Variants in ETV4 observed in about 807,000 individuals in gnomAD.
ETV4 encodes the protein ETS variant transcription factor 4.
ETV4 carries 42 observed loss-of-function variants against 65.9 expected under a neutral mutation model. That is an observed-to-expected ratio of 0.64 (90% confidence interval 0.50 to 0.82). ETV4 has a LOEUF of 0.82. Ranked by LOEUF, ETV4 falls within the 40% of genes least tolerant of loss-of-function variation. The pLI is 0.00. For missense variants in ETV4, 583 were observed against 630.3 expected, an observed-to-expected ratio of 0.92 and a Z score of 0.80; for synonymous variants, 238 against 260.0, an observed-to-expected ratio of 0.92 and a Z score of 0.81.
At chr17:43,543,386 G>A (rs1971630484) in intron 4 of ETV4, among the ~76,000 whole-genome samples, 1 of 151,924 alleles carries the variant, frequency 6.6e-6, no homozygotes, top group African/African-American at 2.4e-5. Context: ...GACTTCCAAG[G>A]TAGAGAGATG....
Position 43,528,671 on chromosome 17 carries a change from T to G in ETV4, c.1303A>C (p.Asn435His), listed in dbSNP as rs756841203. 1 of 1,614,194 alleles carries G rather than the reference T, an allele frequency of 6.2e-7. No individual in the cohort carries two copies. Among genetic ancestry groups the G allele is most frequent in the Admixed American group, 1.7e-5 (1 of 60,032 alleles). ...TCAGCCTTGAGAGCTGGACGCTGAT[T>G]GTCCGGGAAGGCCAAAGAGAAGAGG... ...EALFSLAFPD[N>H]QRPALKAEFD... Residue 435 changes from asparagine to histidine, a missense_variant, in exon 13 of 13, where the codon AAT (asparagine) becomes CAT (histidine). By Grantham distance (68) the Asn-to-His change is moderately conservative. Coordinates refer to ENST00000319349, the MANE Select transcript of ETV4 (RefSeq NM_001079675.5).
chr17:43,546,012 G>A (rs941183500), intron 1 of ETV4, 173 bp downstream of exon 1: 3 of 246,008 alleles, frequency 1.2e-5, no homozygotes, highest in East Asian at 2.2e-4. Flanking sequence ...CAGGCGAAGC[G>A]CACACCATCG....
In ETV4 at chr17:43,544,875, AG is replaced by A. The variant is rs1298291574; in HGVS notation, c.202+99del. The A allele has an allele frequency of 8.9e-6, 10 of 1,121,606 alleles. No homozygotes were observed. The African/African-American group carries it at 1.5e-4, about 17-fold the overall frequency. The allele number at this position is 1,121,606 out of a possible 1,614,324, so 69.5% of individuals were successfully genotyped here. Reference sequence around the variant, plus strand: ...CTTGGAGAACTCCTTGAGGCAGGGAAGGGAGAGGAGAAGTGTAGGGCTTAGG... The same window carrying A: ...CTTGGAGAACTCCTTGAGGCAGGGAAGGAGAGGAGAAGTGTAGGGCTTAGG... On this transcript the variant is annotated intron_variant, in intron 4 of 12. Coordinates refer to ENST00000319349, the MANE Select transcript of ETV4 (RefSeq NM_001079675.5).
chr17:43,540,781 T>C (rs1160599390), intron 4 of ETV4, among the ~76,000 whole-genome samples: 2 of 152,118 alleles, frequency 1.3e-5, no homozygotes, highest in East Asian at 3.9e-4. Context: ...AGAGGCAACA[T>C]CCCCCAAGGT....
At chr17:43,545,933 A>ACG (rs1491323439) in intron 1 of ETV4, 56 of 266,692 alleles carry the variant, frequency 2.1e-4, no homozygotes, top group Admixed American at 6.8e-4. Context: ...TTACATAAGA[A>ACG]CGTGTGTGTG....
chr17:43,545,194 C>CGTG, intron 3 of ETV4, 80 bp downstream of exon 3: 1 of 635,510 alleles, frequency 1.6e-6, no homozygotes, highest in African/African-American at 2.2e-5. Flanking sequence ...CAGAATCGGC[C>CGTG]GTGTGTGTGT....
intron 8 of ETV4, among the ~76,000 whole-genome samples, chr17:43,531,634 C>A (rs1567708270): frequency 6.6e-6 from 1 of 152,180 alleles, no homozygotes; most frequent in Non-Finnish European, 1.5e-5. Flanking sequence ...AACCCAGTGG[C>A]ACTCCAGCCT....
chr17:43,531,998 C>T (rs909775568), intron 8 of ETV4, among the ~76,000 whole-genome samples: 1 of 152,194 alleles, frequency 6.6e-6, no homozygotes, highest in Non-Finnish European at 1.5e-5. Flanking sequence ...TACCTGAGGG[C>T]AGGATCTACA....
At position 43,545,436 on chromosome 17, in the gene ETV4, C is replaced by T. The variant is rs1164835563; in HGVS notation, c.61-69G>A. 9 of 1,470,146 alleles carry T rather than the reference C, an allele frequency of 6.1e-6. No individual in the cohort carries two copies. The Admixed American group carries it at 8.2e-5, about 13-fold the overall frequency. 91.1% of individuals were successfully genotyped at this position (1,470,146 alleles called of 1,614,324 possible). A position where few individuals can be genotyped will look rare whatever the true frequency, so the allele number is the denominator to read the frequency against. On this transcript the variant is annotated intron_variant, in intron 2 of 12. Transcript: ENST00000319349. ...TTAGTCTGGGGGACGAGGTTGGGGT[C>T]CTCGGGTGACTCAGGGGCGGGGCAG...
intron 2 of ETV4, 65 bp from the exon 3 acceptor site, chr17:43,545,432 G>A (rs1478747828): frequency 2.7e-6 from 4 of 1,466,588 alleles, no homozygotes; most frequent in Non-Finnish European, 3.7e-6. Flanking sequence ...GACGAGGTTG[G>A]GGTCCTCGGG....
At chr17:43,537,851 G>A (rs1427343339) in intron 4 of ETV4, among the ~76,000 whole-genome samples, 21 of 151,970 alleles carry the variant, frequency 1.4e-4, no homozygotes, top group Non-Finnish European at 2.4e-4. Flanking sequence ...AAATTAGGCC[G>A]GGCGCGGTGG....
chr17:43,537,999 G>A (rs1458799703), intron 4 of ETV4, among the ~76,000 whole-genome samples: 2 of 152,012 alleles, frequency 1.3e-5, no homozygotes, highest in Admixed American at 6.5e-5. Context: ...GTGTGGTGGC[G>A]GGTGCCTGTA....
chr17:43,534,797 C>T (rs773488115), intron 5 of ETV4, among the ~76,000 whole-genome samples: 7 of 152,070 alleles, frequency 4.6e-5, no homozygotes, highest in African/African-American at 7.2e-5. Flanking sequence ...AAAAATTAGC[C>T]GGGCGTGGTG....
At position 43,545,309 on chromosome 17, in the gene ETV4, A is replaced by G; in HGVS notation, c.119T>C (p.Met40Thr). The change falls in exon 3 of 13, where the codon ATG (methionine) becomes ACG (threonine). Residue 40 changes from methionine (M) to threonine (T), a missense_variant. Coordinates refer to ENST00000319349, the MANE Select transcript of ETV4 (RefSeq NM_001079675.5). ...EALIGPLGKLMDPGSLPPLDS... is the reference protein window; with the variant it reads ...EALIGPLGKLTDPGSLPPLDS... ...GAGGGGCGGCAGGGAGCCCGGGTCC[A>G]TGAGCTTCCCCAGCGGGCCGATCAG... 1 of 1,610,198 alleles carries G rather than the reference A, an allele frequency of 6.2e-7. No homozygotes were observed. The highest frequency in any genetic ancestry group is 8.5e-7 in the Non-Finnish European group (1 of 1,178,338).
chr17:43,545,483 CG>C, intron 2 of ETV4, 74 bp downstream of exon 2: 4 of 641,754 alleles, frequency 6.2e-6, no homozygotes, highest in Non-Finnish European at 7.7e-6. Context: ...GCTGGGACTG[CG>C]GGGAGGGGGG....
chr17:43,546,134 G>A (rs1971810394), intron 1 of ETV4, 51 bp downstream of exon 1: 1 of 158,366 alleles, frequency 6.3e-6, no homozygotes, highest in African/African-American at 2.4e-5. Flanking sequence ...CATTGGAGGC[G>A]AGGCGGGGAA....
chr17:43,529,107 A>G (rs775794945), intron 12 of ETV4, 28 bp downstream of exon 12: 1 of 1,606,864 alleles, frequency 6.2e-7, no homozygotes, highest in Non-Finnish European at 8.5e-7. Context: ...GCCCCCCACC[A>G]CCTTGTCCCT....
In ETV4 at chr17:43,533,898, G is replaced by A. The variant is rs1157046316; in HGVS notation, c.344C>T (p.Pro115Leu). The A allele has an allele frequency of 6.3e-7, 1 of 1,597,310 alleles. No homozygotes were observed. The highest frequency in any genetic ancestry group is 2.3e-5 in the East Asian group (1 of 43,684). ...CTGCTCGCCATGGTGGTAGGGGAGT[G>A]GCGGCTTCCTGCTGCAGGACAGGGC... is the stretch of plus-strand genomic sequence containing the variant. Reference protein sequence around the residue: ...DPALSCSRKPPLPYHHGEQCL... With the variant: ...DPALSCSRKPLLPYHHGEQCL... Residue 115 changes from proline to leucine, a missense_variant, in exon 6 of 13, where the codon CCA becomes CTA. By Grantham distance (98) the Pro-to-Leu change is moderately conservative. Coordinates refer to ENST00000319349, the MANE Select transcript of ETV4 (RefSeq NM_001079675.5).
At chr17:43,545,985 G>A (rs1598226153) in intron 1 of ETV4, 200 bp downstream of exon 1, 1 of 275,054 alleles carries the variant, frequency 3.6e-6, no homozygotes, top group Non-Finnish European at 6.9e-6. Context: ...GTGTGTACGC[G>A]CGCGCGCGCG....
Sources: gnomAD v4.1 joint callset for allele counts (sites outside exome capture counted in the v4.1 genomes callset) on GRCh38, gnomAD v4.1.1 for gene constraint, MANE v1.5 for transcripts, NCBI Gene and HGNC (gene_info 2026-07-23, HGNC 2026-07-21) for gene names.